ERP29: variants seen among roughly 807,000 people sequenced by gnomAD.
ERP29 encodes endoplasmic reticulum protein 29, also known as endoplasmic reticulum resident protein 29.
ERP29 carries 14 observed loss-of-function variants against 21.7 expected under a neutral mutation model. The ratio of observed to expected loss-of-function variants is 0.64; its 90% confidence interval spans 0.43 to 1.01. ERP29 has a LOEUF of 1.01. Among genes scored for constraint, ERP29 ranks in the 50% least tolerant of loss-of-function variants. The pLI is 0.00. For missense variants in ERP29, 286 were observed against 327.3 expected, an observed-to-expected ratio of 0.87 and a Z score of 0.97; for synonymous variants, 129 against 139.1, an observed-to-expected ratio of 0.93 and a Z score of 0.51.
chr12:112,019,919 G>C (rs190672047), intron 2 of ERP29, 25 bp downstream of exon 2: 402 of 1,613,276 alleles, frequency 2.5e-4, no homozygotes, highest in Admixed American at 1.3e-3. Context: ...AGGACGGCTG[G>C]GGGGGCAGAG....
chr12:112,022,657 GCTGT>G lies in ERP29; in HGVS notation c.*10_*13del, dbSNP rs773372660. 31 of 1,597,716 alleles carry G rather than the reference GCTGT, an allele frequency of 1.9e-5. No individual in the cohort carries two copies. The East Asian group carries it at 3.4e-4, about 17-fold the overall frequency. ...GCCGAGAAAGAGGAGCTGTAAAAAG[GCTGT>G]CTGTGATTTTCCAGGGTTTGGTGGG... On this transcript the variant is annotated 3_prime_UTR_variant, in exon 3 of 3. Transcript: ENST00000261735.
chr12:112,019,858 A>G lies in ERP29; in HGVS notation c.247A>G (p.Ser83Gly), dbSNP rs749020999. 245 of 1,614,066 alleles carry G rather than the reference A, an allele frequency of 1.5e-4. No individual in the cohort carries two copies. Among genetic ancestry groups the G allele is most frequent in the Non-Finnish European group, 2.0e-4 (236 of 1,180,014 alleles). The change falls in exon 2 of 3, where the codon AGC (serine) becomes GGC (glycine). Residue 83 changes from serine (S) to glycine (G), a missense_variant. By Grantham distance (56) the Ser-to-Gly change is moderately conservative. Transcript: ENST00000261735. ...FKRLAENSAS[S>G]DDLLVAEVGI... ...GCGTCTTGCTGAAAACTCGGCTTCC[A>G]GCGATGATCTCTTGGTGGCAGAGGT...
Position 112,013,536 on chromosome 12 carries a change from T to C in ERP29, c.71T>C (p.Leu24Pro). The change falls in exon 1 of 3, where the codon CTC (leucine) becomes CCC (proline). Residue 24 changes from leucine (L) to proline (P), a missense_variant. Coordinates refer to ENST00000261735, the MANE Select transcript of ERP29 (RefSeq NM_006817.4). ...LLPLLLGFLL[L>P]SAPHGGSGLH... ...CCCCTTCTCCTGGGCTTCCTGCTCC[T>C]CTCCGCTCCGCATGGCGGCAGCGGC... is the stretch of plus-strand genomic sequence containing the variant. The C allele has an allele frequency of 6.2e-7, 1 of 1,612,882 alleles. No homozygotes were observed.
At position 112,022,459 on chromosome 12, in the gene ERP29, G is replaced by A. The variant is rs2078055093; in HGVS notation, c.593G>A (p.Trp198Ter). ...LSSVKETQKK[W>*]AEQYLKIMGK... Reference sequence around the variant, plus strand: ...AGTGTGAAGGAGACTCAGAAGAAGTGGGCCGAGCAATACCTGAAGATCATG... The same window carrying A: ...AGTGTGAAGGAGACTCAGAAGAAGTAGGCCGAGCAATACCTGAAGATCATG... Residue 198 changes from tryptophan to a stop codon, truncating the protein, a stop_gained, in exon 3 of 3, where the codon TGG becomes TAG. Coordinates refer to ENST00000261735, the MANE Select transcript of ERP29 (RefSeq NM_006817.4). LOFTEE classifies it high-confidence loss of function. 6.2e-7 allele frequency: 1 copy of A among 1,614,176 alleles called. No homozygotes were observed. The highest frequency in any genetic ancestry group is 8.5e-7 in the Non-Finnish European group (1 of 1,180,014).
At chr12:112,013,683 C>A (rs2077961870) in intron 1 of ERP29, 74 bp downstream of exon 1, 2 of 1,439,200 alleles carry the variant, frequency 1.4e-6, no homozygotes, top group Non-Finnish European at 1.8e-6. Flanking sequence ...TGGGGAGACG[C>A]TGGATTCCGG....
rs779173031 is a variant in ERP29, at chr12:112,013,445, C to T, written c.-21C>T. On this transcript the variant is annotated 5_prime_UTR_variant, in exon 1 of 3. Coordinates refer to ENST00000261735, the MANE Select transcript of ERP29 (RefSeq NM_006817.4). ...TTCTCCACTATCGCTTACCTACCTCCCTCTGCAGGAACCCGGCGATATGGC... is the reference window on the plus strand; with the variant it reads ...TTCTCCACTATCGCTTACCTACCTCTCTCTGCAGGAACCCGGCGATATGGC... 6.9e-6 allele frequency: 11 copies of T among 1,602,996 alleles called. No homozygotes were observed. The highest frequency in any genetic ancestry group is 1.7e-4 in the Middle Eastern group (1 of 6,020).
At chr12:112,019,142 ATAT>A (rs2078029997) in intron 1 of ERP29, 1 of 162,440 alleles carries the variant, frequency 6.2e-6, no homozygotes, top group South Asian at 1.7e-4. Context: ...ACAATGGCAA[ATAT>A]TATGTGAATT....
chr12:112,014,273 C>T (rs2077978864), intron 1 of ERP29, among the ~76,000 whole-genome samples: 1 of 152,216 alleles, frequency 6.6e-6, no homozygotes, highest in Non-Finnish European at 1.5e-5. Flanking sequence ...CTGAGCTCCG[C>T]CTCCTGTTAC....
At chr12:112,018,150 T>TAGAG (rs951531568) in intron 1 of ERP29, among the ~76,000 whole-genome samples, 3 of 150,936 alleles carry the variant, frequency 2.0e-5, no homozygotes, top group African/African-American at 7.3e-5. Flanking sequence ...TTTTTCTTTT[T>TAGAG]AGAGAGAGAG....
At chr12:112,017,490 A>G (rs939305479) in intron 1 of ERP29, among the ~76,000 whole-genome samples, 2 of 152,230 alleles carry the variant, frequency 1.3e-5, no homozygotes, top group African/African-American at 2.4e-5. Context: ...GGGAAAGGAC[A>G]TTCCAGCCAG....
At chr12:112,015,882 AGTT>A (rs893925011) in intron 1 of ERP29, among the ~76,000 whole-genome samples, 2 of 152,132 alleles carry the variant, frequency 1.3e-5, no homozygotes, top group African/African-American at 2.4e-5. Context: ...ATGTTGCACT[AGTT>A]GTTCCTTGTG....
At chr12:112,020,566 A>G (rs576328205) in intron 2 of ERP29, among the ~76,000 whole-genome samples, 61 of 152,220 alleles carry the variant, frequency 4.0e-4, no homozygotes, top group South Asian at 2.1e-3. Context: ...AGTCCCAGGC[A>G]GGGGCTTACT....
At position 112,022,415 on chromosome 12, in the gene ERP29, G is replaced by A. The variant is rs759534955; in HGVS notation, c.549G>A (p.Gln183=). The part of the protein sequence containing the change: ...GVEARQALLK[Q]GQDNLSSVKE... ...AGGCCCGCCAGGCCCTCTTGAAGCA[G>A]GGGCAAGATAACCTCTCAAGTGTGA... The change falls in exon 3 of 3, where the codon CAG becomes CAA. Residue 183 remains glutamine (Q), a synonymous_variant. Coordinates refer to ENST00000261735, the MANE Select transcript of ERP29 (RefSeq NM_006817.4). 1.9e-6 allele frequency: 3 copies of A among 1,614,200 alleles called. No individual in the cohort carries two copies. The highest frequency in any genetic ancestry group is 1.1e-5 in the South Asian group (1 of 91,088).
intron 1 of ERP29, among the ~76,000 whole-genome samples, chr12:112,017,406 T>A (rs1273789699): frequency 6.6e-6 from 1 of 152,152 alleles, no homozygotes; most frequent in Non-Finnish European, 1.5e-5. Flanking sequence ...ATGGTCTGAT[T>A]GGAGGAGTCC....
intron 2 of ERP29, 33 bp downstream of exon 2, chr12:112,019,927 G>T: frequency 6.2e-7 from 1 of 1,612,420 alleles, no homozygotes; most frequent in Non-Finnish European, 8.5e-7. Context: ...TGGGGGGGCA[G>T]AGAGGGAGGA....
At chr12:112,021,802 A>G (rs2078048434) in intron 2 of ERP29, among the ~76,000 whole-genome samples, 1 of 152,108 alleles carries the variant, frequency 6.6e-6, no homozygotes, top group South Asian at 2.1e-4. Context: ...CTGGGATTAC[A>G]GGCATGAGCC....
intron 1 of ERP29, among the ~76,000 whole-genome samples, chr12:112,017,075 G>A (rs568396776): frequency 2.0e-5 from 3 of 152,214 alleles, no homozygotes; most frequent in Non-Finnish European, 2.9e-5. Flanking sequence ...CATAATACAA[G>A]TGCAGGCCCT....
In ERP29 at chr12:112,022,700, G is replaced by A. The variant is rs1417981176; in HGVS notation, c.*48G>A. 1 of 1,539,896 alleles carries A rather than the reference G, an allele frequency of 6.5e-7. No homozygotes were observed. Among genetic ancestry groups the A allele is most frequent in the Admixed American group, 1.9e-5 (1 of 51,436 alleles). On this transcript the variant is annotated 3_prime_UTR_variant, in exon 3 of 3. Transcript: ENST00000261735. ...GGGTTTGGTGGGGGTAGGGAGGGGA[G>A]AGTTAACCTGCTGGCTGTGAGTCCC...
chr12:112,021,398 G>C (rs1033561452), intron 2 of ERP29, among the ~76,000 whole-genome samples: 3 of 152,040 alleles, frequency 2.0e-5, no homozygotes, highest in East Asian at 1.9e-4. Flanking sequence ...CCTGAAGTGG[G>C]CTTTCTTACC....
Sources: gnomAD v4.1 joint callset for allele counts (sites outside exome capture counted in the v4.1 genomes callset) on GRCh38, gnomAD v4.1.1 for gene constraint, MANE v1.5 for transcripts, NCBI Gene and HGNC (gene_info 2026-07-23, HGNC 2026-07-21) for gene names.